Variants in IGSF11 observed in about 807,000 individuals in gnomAD.
IGSF11 encodes the protein immunoglobulin superfamily member 11.
A neutral mutation model predicts 41.0 loss-of-function variants in IGSF11; 22 were observed. The observed-to-expected ratio is 0.54, with a 90% CI of 0.38 to 0.77. The LOEUF (loss-of-function observed/expected upper bound fraction) is 0.77, where lower values mean the gene tolerates loss of function less well. IGSF11 is among the 30% of genes least tolerant of loss of function. The pLI, the probability that IGSF11 is intolerant of heterozygous loss-of-function variation, is 0.00. For synonymous variants in IGSF11, 219 were observed against 201.3 expected, an observed-to-expected ratio of 1.09 and a Z score of -0.74; for missense variants, 444 against 530.8, an observed-to-expected ratio of 0.84 and a Z score of 1.61.
chr3:118,914,120 G>A (rs1470120126), intron 4 of IGSF11, among the ~76,000 whole-genome samples: 1 of 151,962 alleles, frequency 6.6e-6, no homozygotes, highest in Non-Finnish European at 1.5e-5. Flanking sequence ...GAATAAGCAC[G>A]AAGAGAAATA....
At chr3:119,062,613 G>A (rs6438483) in intron 1 of IGSF11, among the ~76,000 whole-genome samples, 120,633 of 152,172 alleles carry the variant, frequency 0.79, 48,118 homozygotes, top group African/African-American at 0.89. Flanking sequence ...AATTCCAGAA[G>A]TCCTGTTGCT....
intron 1 of IGSF11, among the ~76,000 whole-genome samples, chr3:119,013,464 T>C (rs1387607194): frequency 1.3e-5 from 2 of 152,254 alleles, no homozygotes; most frequent in African/African-American, 2.4e-5. Context: ...TCAACTTAAC[T>C]GTAACAAAGA....
chr3:119,098,244 CT>C (rs1007011683), intron 1 of IGSF11, among the ~76,000 whole-genome samples: 2 of 151,960 alleles, frequency 1.3e-5, no homozygotes, highest in African/African-American at 4.8e-5. Flanking sequence ...ATTACTTAAC[CT>C]TTTTTGTGCC....
intron 1 of IGSF11, among the ~76,000 whole-genome samples, chr3:119,132,233 T>C (rs1228641953): frequency 1.3e-5 from 2 of 151,674 alleles, no homozygotes; most frequent in Admixed American, 1.3e-4. Context: ...GGCTAAATGC[T>C]CCAATTAAAA....
rs1369700436 is a variant in IGSF11, at chr3:118,920,142, G to A, written c.580+5959C>T. Among the ~76,000 whole-genome samples, 17 of 145,282 alleles carry A rather than the reference G, an allele frequency of 1.2e-4. 1 individual carries two copies. The South Asian group carries it at 1.8e-3, about 15-fold the overall frequency. ...GGGGGAGGGGGGAGGGATAGCATTGGGAGATATACCTAAGGCTAGATGACG... is the reference window on the plus strand; with the variant it reads ...GGGGGAGGGGGGAGGGATAGCATTGAGAGATATACCTAAGGCTAGATGACG... On this transcript the variant is annotated intron_variant, in intron 4 of 6. Coordinates refer to ENST00000393775, the MANE Select transcript of IGSF11 (RefSeq NM_001015887.3).
rs1246170373 is a variant in IGSF11, at chr3:118,902,081, G to A, written c.*439C>T. 6.1e-6 allele frequency: 1 copy of A among 163,860 alleles called. No individual in the cohort carries two copies. Among genetic ancestry groups the A allele is most frequent in the Non-Finnish European group, 1.3e-5 (1 of 74,432 alleles). The allele number at this position is 163,860 out of a possible 1,614,324, so 10.2% of individuals were successfully genotyped here. ...CCTCTATATAACGAGGGAATTGGGA[G>A]AGACGGAACATATCACAGGGTTGCT... On this transcript the variant is annotated 3_prime_UTR_variant, in exon 7 of 7. Coordinates refer to ENST00000393775, the MANE Select transcript of IGSF11 (RefSeq NM_001015887.3).
At chr3:119,044,221 A>G (rs1031574772) in intron 1 of IGSF11, among the ~76,000 whole-genome samples, 1 of 152,204 alleles carries the variant, frequency 6.6e-6, no homozygotes, top group African/African-American at 2.4e-5. Context: ...AAAGACAATC[A>G]CAACTTCTGA....
chr3:118,962,443 A>T (rs1207533416), intron 1 of IGSF11, among the ~76,000 whole-genome samples: 1 of 152,208 alleles, frequency 6.6e-6, no homozygotes, highest in Non-Finnish European at 1.5e-5. Flanking sequence ...CATATAGGAA[A>T]GGTGAGTCTT....
At chr3:119,020,975 T>C (rs932334020) in intron 1 of IGSF11, among the ~76,000 whole-genome samples, 1 of 152,206 alleles carries the variant, frequency 6.6e-6, no homozygotes, top group African/African-American at 2.4e-5. Context: ...TAACTCACAG[T>C]GGTGTATATA....
intron 1 of IGSF11, among the ~76,000 whole-genome samples, chr3:119,047,286 A>G (rs1941398736): frequency 6.6e-6 from 1 of 152,140 alleles, no homozygotes. Flanking sequence ...GGCTCAAAAT[A>G]AAAGGATGGA....
rs962262736 is a variant in IGSF11 at position 119,009,975 on chromosome 3, A to G, written c.52+24556T>C. Among the ~76,000 whole-genome samples the G allele has an allele frequency of 8.5e-5, 13 of 152,232 alleles. 1 individual carries two copies. The highest frequency in any genetic ancestry group is 3.1e-4 in the African/African-American group (13 of 41,454). On this transcript the variant is annotated intron_variant, in intron 1 of 6. Coordinates refer to ENST00000393775, the MANE Select transcript of IGSF11 (RefSeq NM_001015887.3). ...TATTTGCTAAGAGTAAGATATTTTG[A>G]TATTTTGAATATGAATTTAATAAAA...
chr3:118,974,824 A>T (rs2573192), intron 1 of IGSF11, among the ~76,000 whole-genome samples: 23,240 of 151,864 alleles, frequency 0.15, 2,331 homozygotes, highest in East Asian at 0.21. Context: ...TATCACTATT[A>T]CTTTCTTCTT....
At chr3:119,113,570 G>T (rs1329608818) in intron 1 of IGSF11, among the ~76,000 whole-genome samples, 1 of 152,208 alleles carries the variant, frequency 6.6e-6, no homozygotes, top group East Asian at 1.9e-4. Flanking sequence ...GCCTCGGGCA[G>T]CTCCACCCCT....
intron 1 of IGSF11, among the ~76,000 whole-genome samples, chr3:118,972,311 C>T (rs891068981): frequency 6.6e-6 from 1 of 152,190 alleles, no homozygotes; most frequent in Non-Finnish European, 1.5e-5. Context: ...AAATACTAAC[C>T]TATAATTAAT....
At chr3:119,103,079 G>A in intron 1 of IGSF11, among the ~76,000 whole-genome samples, 1 of 146,636 alleles carries the variant, frequency 6.8e-6, no homozygotes, top group Non-Finnish European at 1.5e-5. Context: ...CTCACTGCAA[G>A]CTCCGCCTCC....
At chr3:118,942,962 A>C (rs1943820471) in intron 1 of IGSF11, 1 of 152,258 alleles carries the variant, frequency 6.6e-6, no homozygotes, top group South Asian at 2.1e-4. Context: ...TGACAAGAGG[A>C]GATGCATGCT....
At chr3:118,938,478 A>G (rs974507150) in intron 1 of IGSF11, among the ~76,000 whole-genome samples, 5 of 152,164 alleles carry the variant, frequency 3.3e-5, no homozygotes, top group Non-Finnish European at 7.3e-5. Flanking sequence ...GCAACCCCTT[A>G]TTTAAAACTA....
At chr3:118,933,918 G>A (rs1270788394) in intron 1 of IGSF11, among the ~76,000 whole-genome samples, 4 of 151,992 alleles carry the variant, frequency 2.6e-5, no homozygotes, top group Non-Finnish European at 5.9e-5. Context: ...AACCCTGTAC[G>A]TGAGCTTCAA....
chr3:118,933,470 TTA>T (rs1553754813), intron 1 of IGSF11, among the ~76,000 whole-genome samples: 109 of 146,054 alleles, frequency 7.5e-4, no homozygotes, highest in Non-Finnish European at 6.3e-4. Context: ...CATGTATTTT[TTA>T]TATATATATA....
Sources: allele counts gnomAD v4.1 joint callset (sites outside exome capture counted in the v4.1 genomes callset), GRCh38; gene constraint gnomAD v4.1.1; transcripts MANE v1.5; gene names NCBI Gene and HGNC (gene_info 2026-07-23, HGNC 2026-07-21).